Variants in PRDM1 observed in about 807,000 individuals in gnomAD.
PRDM1 encodes the protein PR domain zinc finger protein 1.
Under a neutral mutation model 62.8 loss-of-function variants are expected in PRDM1, and 13 were observed. That is an observed-to-expected ratio of 0.21 (90% CI 0.13 to 0.33). The LOEUF is 0.33. PRDM1 is among the 10% of genes least tolerant of loss of function. The pLI is 1.00. For synonymous variants in PRDM1, 396 were observed against 417.6 expected (o/e 0.95, Z 0.63); for missense variants, 895 against 1,058.8 (o/e 0.85, Z 2.15).
At chr6:106,049,555 C>A (rs1773137011) in intron 1 of PRDM1, among the ~76,000 whole-genome samples, 1 of 152,198 alleles carries the variant, frequency 6.6e-6, no homozygotes, top group South Asian at 2.1e-4. Context: ...CCATCCAAGG[C>A]TCAGCTCCGA....
At chr6:106,026,014 A>G (rs1772758768) in intron 1 of PRDM1, among the ~76,000 whole-genome samples, 1 of 152,164 alleles carries the variant, frequency 6.6e-6, no homozygotes, top group African/African-American at 2.4e-5. Context: ...ATTCTCTAAC[A>G]CATAAGAACT....
upstream of PRDM1, among the ~76,000 whole-genome samples, chr6:106,047,215 T>C (rs1250938164): frequency 6.6e-6 from 1 of 152,232 alleles, no homozygotes; most frequent in African/African-American, 2.4e-5. Context: ...ATTGAAAGAA[T>C]TTGGAGTTTC....
At chr6:106,072,607 T>G (rs1204813553) in intron 1 of PRDM1, among the ~76,000 whole-genome samples, 1 of 152,246 alleles carries the variant, frequency 6.6e-6, no homozygotes, top group East Asian at 1.9e-4. Flanking sequence ...AAGACCCGGA[T>G]AGCTGGATTT....
chr6:106,063,055 T>C (rs749623095), intron 1 of PRDM1, among the ~76,000 whole-genome samples: 1 of 152,156 alleles, frequency 6.6e-6, no homozygotes. Flanking sequence ...CGTTGTGTTG[T>C]TTTCCTGGGG....
chr6:105,995,936 T>TA (rs1400175954), intron 1 of PRDM1, among the ~76,000 whole-genome samples: 1 of 152,230 alleles, frequency 6.6e-6, no homozygotes, highest in African/African-American at 2.4e-5. Context: ...TTCCAGATCT[T>TA]ATAGTGGCAC....
chr6:106,074,336 G>T (rs1477636730), intron 1 of PRDM1, among the ~76,000 whole-genome samples: 1 of 151,996 alleles, frequency 6.6e-6, no homozygotes, highest in Non-Finnish European at 1.5e-5. Context: ...AATTTCCCAC[G>T]TACCAAACAC....
intron 1 of PRDM1, among the ~76,000 whole-genome samples, chr6:106,036,178 T>A (rs182099650): frequency 6.8e-4 from 103 of 152,276 alleles, no homozygotes; most frequent in African/African-American, 2.3e-3. Context: ...AGACAGAGCC[T>A]AAGTCTGTTA....
chr6:106,033,514 G>A (rs1772879329), intron 1 of PRDM1, among the ~76,000 whole-genome samples: 1 of 151,776 alleles, frequency 6.6e-6, no homozygotes, highest in Admixed American at 6.6e-5. Flanking sequence ...TGAGATCTTG[G>A]TCTGTTGACC....
intron 1 of PRDM1, among the ~76,000 whole-genome samples, chr6:106,076,592 T>C (rs1773609156): frequency 6.6e-6 from 1 of 152,330 alleles, no homozygotes; most frequent in Admixed American, 6.5e-5. Flanking sequence ...CCAGTTTAAA[T>C]TTATTAGATC....
intron 1 of PRDM1, among the ~76,000 whole-genome samples, chr6:106,020,326 G>GTC (rs1772681917): frequency 6.6e-6 from 1 of 151,692 alleles, no homozygotes; most frequent in Non-Finnish European, 1.5e-5. Flanking sequence ...TTGAGACAGG[G>GTC]TCCAGTTCCC....
At chr6:106,070,616 A>T (rs1479790244) in intron 1 of PRDM1, among the ~76,000 whole-genome samples, 1 of 152,226 alleles carries the variant, frequency 6.6e-6, no homozygotes, top group East Asian at 1.9e-4. Flanking sequence ...GGCTCTTGGT[A>T]TATATAGGTA....
chr6:106,036,314 A>C (rs1422211187), intron 1 of PRDM1, among the ~76,000 whole-genome samples: 2 of 151,870 alleles, frequency 1.3e-5, no homozygotes, highest in Non-Finnish European at 2.9e-5. Context: ...ATGCACGGCT[A>C]ACCATGCACT....
chr6:106,031,874 G>A (rs1772848510), intron 1 of PRDM1, among the ~76,000 whole-genome samples: 1 of 152,000 alleles, frequency 6.6e-6, no homozygotes, highest in African/African-American at 2.4e-5. Context: ...GTGAGAGTCT[G>A]ATCTTCTGAT....
chr6:106,067,398 A>C (rs1380967249), intron 1 of PRDM1, among the ~76,000 whole-genome samples: 1 of 152,208 alleles, frequency 6.6e-6, no homozygotes, highest in Non-Finnish European at 1.5e-5. Context: ...CAGCAATTCT[A>C]CTACTAGATA....
Position 106,109,078 on chromosome 6 carries a change from CT to C in PRDM1, c.*1597del, listed in dbSNP as rs1323338423. ...TGAGCCAAGCCATGTAAAAGATCTA[CT>C]TTTTCTAAGGGCAAAAAAAAAAAAA... On this transcript the variant is annotated 3_prime_UTR_variant, in exon 7 of 7. Transcript: ENST00000369096. 5 of 124,284 alleles carry C rather than the reference CT, an allele frequency of 4.0e-5. No homozygotes were observed. Among genetic ancestry groups the C allele is most frequent in the African/African-American group, 1.7e-4 (5 of 29,162 alleles). The allele number at this position is 124,284 out of a possible 1,614,324, so 7.7% of individuals were successfully genotyped here.
At chr6:106,085,786 TA>T (rs1328885329), upstream of PRDM1, among the ~76,000 whole-genome samples, 1 of 144,800 alleles carries the variant, frequency 6.9e-6, no homozygotes, top group Admixed American at 7.5e-5. Context: ...ACTAAATAGT[TA>T]AAAGAGGAAA....
At chr6:106,032,595 A>T (rs893406801) in intron 1 of PRDM1, among the ~76,000 whole-genome samples, 1 of 151,902 alleles carries the variant, frequency 6.6e-6, no homozygotes, top group Non-Finnish European at 1.5e-5. Flanking sequence ...GTGCCACCAC[A>T]CCCAGCTAAT....
chr6:106,083,257 TG>T (rs577536059), upstream of PRDM1, among the ~76,000 whole-genome samples: 2 of 80,222 alleles, frequency 2.5e-5, no homozygotes, highest in African/African-American at 5.0e-5. Context: ...AAGAAGAGGG[TG>T]GGGGGGTTAT....
chr6:106,027,459 T>G (rs181267572), intron 1 of PRDM1, among the ~76,000 whole-genome samples: 12 of 152,270 alleles, frequency 7.9e-5, no homozygotes, highest in Admixed American at 2.6e-4. Context: ...ATGCGGATGG[T>G]CCGGGACTTC....
Sources: allele counts gnomAD v4.1 joint callset (sites outside exome capture counted in the v4.1 genomes callset), GRCh38; gene constraint gnomAD v4.1.1; transcripts MANE v1.5; gene names NCBI Gene and HGNC (gene_info 2026-07-23, HGNC 2026-07-21).